The following DOCK1 variants were observed in gnomAD, a reference collection of about 807,000 sequenced individuals.
DOCK1 encodes the protein dedicator of cytokinesis 1, also known as dedicator of cytokinesis protein 1.
In DOCK1, 138 loss-of-function variants were observed where a neutral mutation model predicts 262.7. The ratio of observed to expected loss-of-function variants is 0.53; its 90% CI spans 0.46 to 0.61. The LOEUF is 0.61. Ranked by LOEUF, DOCK1 falls within the 20% of genes least tolerant of loss-of-function variation. The probability of loss-of-function intolerance (pLI) is 0.00; values close to 1 mark genes in which losing one functional copy is unlikely to be tolerated. For missense variants in DOCK1, 1,908 were observed against 2,370.7 expected (o/e 0.80, Z 4.05); for synonymous variants, 866 against 867.4 (o/e 1.00, Z 0.03).
At chr10:127,183,281 A>G (rs896814307) in intron 27 of DOCK1, among the ~76,000 whole-genome samples, 19 of 152,088 alleles carry the variant, frequency 1.2e-4, no homozygotes, top group Admixed American at 1.2e-3. Context: ...GGTCACTACA[A>G]TGGAAGTCAT....
At chr10:127,121,455 A>ATGTGTGTGTGTGTT (rs2049564359) in intron 25 of DOCK1, among the ~76,000 whole-genome samples, 1 of 148,260 alleles carries the variant, frequency 6.7e-6, no homozygotes, top group South Asian at 2.2e-4. Context: ...GTATATGTAT[A>ATGTGTGTGTGTGTT]TGTGTGTGTG....
intron 33 of DOCK1, among the ~76,000 whole-genome samples, chr10:127,362,865 A>ACACACACATACACATGTACATCTC (rs1565026576): frequency 7.0e-6 from 1 of 142,572 alleles, no homozygotes; most frequent in African/African-American, 2.8e-5. Flanking sequence ...GTACATCCCC[A>ACACACACATACACATGTACATCTC]CACACACACA....
intron 42 of DOCK1, 69 bp from the exon 43 acceptor site, chr10:127,410,771 C>G: frequency 6.9e-7 from 1 of 1,442,316 alleles, no homozygotes; most frequent in Non-Finnish European, 9.6e-7. Context: ...TAAGGCCAGA[C>G]CCCGTGTCCA....
chr10:126,998,762 T>C (rs938291951), intron 8 of DOCK1: 3 of 158,018 alleles, frequency 1.9e-5, no homozygotes. Context: ...AGTCTATTTT[T>C]TCCTGCTTAG....
At chr10:126,921,876 T>G (rs1307606494) in intron 1 of DOCK1, among the ~76,000 whole-genome samples, 1 of 151,900 alleles carries the variant, frequency 6.6e-6, no homozygotes, top group Non-Finnish European at 1.5e-5. Context: ...GGTCTCAAAC[T>G]CCTGACCTCA....
At chr10:127,426,816 G>C (rs2068844928) in intron 47 of DOCK1, among the ~76,000 whole-genome samples, 2 of 152,226 alleles carry the variant, frequency 1.3e-5, no homozygotes, top group African/African-American at 4.8e-5. Flanking sequence ...GTTTATGGAA[G>C]GTTTCTGAGC....
intron 29 of DOCK1, among the ~76,000 whole-genome samples, chr10:127,315,235 C>T (rs532612117): frequency 7.9e-5 from 12 of 152,166 alleles, no homozygotes; most frequent in African/African-American, 2.9e-4. Flanking sequence ...AGAGCTATAT[C>T]CACGGGAACC....
intron 27 of DOCK1, among the ~76,000 whole-genome samples, chr10:127,241,442 A>G (rs150807661): frequency 3.4e-4 from 52 of 151,846 alleles, no homozygotes; most frequent in Admixed American, 1.1e-3. Flanking sequence ...TTAATGCTGG[A>G]TGAATTTTTT....
At chr10:127,202,998 G>A (rs1195022401) in intron 27 of DOCK1, among the ~76,000 whole-genome samples, 2 of 152,132 alleles carry the variant, frequency 1.3e-5, no homozygotes, top group Non-Finnish European at 1.5e-5. Flanking sequence ...GTCATTAGCC[G>A]TCCCTCATTA....
intron 25 of DOCK1, among the ~76,000 whole-genome samples, chr10:127,116,657 C>G (rs2049200846): frequency 6.6e-6 from 1 of 151,926 alleles, no homozygotes. Flanking sequence ...TTAAAAAAAC[C>G]AAAATAAAAT....
chr10:127,035,871 G>A (rs981524046), intron 18 of DOCK1, among the ~76,000 whole-genome samples: 4 of 151,882 alleles, frequency 2.6e-5, no homozygotes, highest in Admixed American at 1.3e-4. Context: ...GCATGGTGGC[G>A]TGCACCTGTA....
chr10:127,100,852 A>C lies in DOCK1; in HGVS notation c.2446-5379A>C, dbSNP rs2048196575. Reference sequence around the variant, plus strand: ...CCGGAGTCAGGCTGCAGTGGGAGTGAGGAGGGGTCGTGTGGGAAGTGGACG... The same window carrying C: ...CCGGAGTCAGGCTGCAGTGGGAGTGCGGAGGGGTCGTGTGGGAAGTGGACG... On this transcript the variant is annotated intron_variant, in intron 23 of 51. Coordinates refer to ENST00000623213, the MANE Select transcript of DOCK1 (RefSeq NM_001290223.2). The surrounding 1 kb of genome is among the most constrained non-coding windows in gnomAD (Gnocchi z 5.5). 6.6e-6 allele frequency among the ~76,000 whole-genome samples: 1 copy of C among 152,028 alleles called. No homozygotes were observed. Among genetic ancestry groups the C allele is most frequent in the Non-Finnish European group, 1.5e-5 (1 of 67,990 alleles).
Position 126,996,764 on chromosome 10 carries a change from C to T in DOCK1, c.490C>T (p.Leu164=), listed in dbSNP as rs753140760. 2 of 1,610,370 alleles carry T rather than the reference C, an allele frequency of 1.2e-6. No homozygotes were observed. Among genetic ancestry groups the T allele is most frequent in the East Asian group, 2.2e-5 (1 of 44,632 alleles). Residue 164 remains leucine (L), a synonymous_variant, in exon 7 of 52, where the codon CTG becomes TTG. Transcript: ENST00000623213. ...TTGTTCTAGAATTCTAGATTTGGACCTGGTGGTTAGAGATGAAGATGGGAA... is the reference window on the plus strand; with the variant it reads ...TTGTTCTAGAATTCTAGATTTGGACTTGGTGGTTAGAGATGAAGATGGGAA... The part of the protein sequence containing the change: ...DYGNRILDLD[L]VVRDEDGNIL...
chr10:127,386,710 A>G (rs2066142812), intron 38 of DOCK1, among the ~76,000 whole-genome samples: 1 of 152,098 alleles, frequency 6.6e-6, no homozygotes, highest in South Asian at 2.1e-4. Flanking sequence ...ACAATGTAAT[A>G]ATAATAGAAA....
At chr10:127,310,234 G>A (rs945805187) in intron 29 of DOCK1, among the ~76,000 whole-genome samples, 2 of 152,058 alleles carry the variant, frequency 1.3e-5, no homozygotes, top group Non-Finnish European at 2.9e-5. Flanking sequence ...TTCTATGAAT[G>A]AGAGCCTGTT....
chr10:127,124,958 A>T (rs2049852342), intron 25 of DOCK1, among the ~76,000 whole-genome samples: 2 of 152,088 alleles, frequency 1.3e-5, no homozygotes, highest in African/African-American at 2.4e-5. Flanking sequence ...CTAAAAATAA[A>T]AAAAAAAAAT....
At chr10:127,259,844 C>A (rs1362315127) in intron 29 of DOCK1, among the ~76,000 whole-genome samples, 1 of 150,994 alleles carries the variant, frequency 6.6e-6, no homozygotes, top group Admixed American at 6.6e-5. Context: ...AACATCATAG[C>A]CGCATCATTC....
intron 1 of DOCK1, among the ~76,000 whole-genome samples, chr10:126,919,152 A>G (rs2032908512): frequency 6.6e-6 from 1 of 152,198 alleles, no homozygotes. Context: ...TCCTTTAAGA[A>G]ACCCCATGCA....
At chr10:127,171,528 G>A (rs748554362) in intron 27 of DOCK1, among the ~76,000 whole-genome samples, 3 of 152,062 alleles carry the variant, frequency 2.0e-5, no homozygotes, top group Non-Finnish European at 4.4e-5. Context: ...CATGGGCTCC[G>A]AGGTGCCTGC....
Sources: gnomAD v4.1 joint callset for allele counts (sites outside exome capture counted in the v4.1 genomes callset) on GRCh38, gnomAD v4.1.1 for gene constraint, Gnocchi (gnomAD v3.1) non-coding constraint, MANE v1.5 for transcripts, NCBI Gene and HGNC (gene_info 2026-07-23, HGNC 2026-07-21) for gene names.